ARHGAP25: variants seen among roughly 807,000 people sequenced by gnomAD.
ARHGAP25 encodes rho GTPase-activating protein 25.
In ARHGAP25, 34 loss-of-function variants were observed where a neutral mutation model predicts 71.0. That is an observed-to-expected ratio of 0.48 (90% confidence interval 0.36 to 0.64). The LOEUF (loss-of-function observed/expected upper bound fraction) is 0.64. Ranked by LOEUF, ARHGAP25 falls within the 30% of genes least tolerant of loss-of-function variation. The probability of loss-of-function intolerance (pLI) is 0.00; values close to 1 mark genes in which losing one functional copy is unlikely to be tolerated. For synonymous variants in ARHGAP25, 282 were observed against 296.5 expected, an observed-to-expected ratio of 0.95 and a Z score of 0.50; for missense variants, 706 against 805.1, an observed-to-expected ratio of 0.88 and a Z score of 1.49.
Position 68,787,942 on chromosome 2 carries a change from G to T in ARHGAP25, c.452G>T (p.Gly151Val). ...GTTAAATTCCTCAGGAGAGTTGCTGGCACACCCTGTGGAGGTAAGGACCCC... is the reference window on the plus strand; with the variant it reads ...GTTAAATTCCTCAGGAGAGTTGCTGTCACACCCTGTGGAGGTAAGGACCCC... ...EWVKFLRRVA[G>V]TPCGAVFGQR... Residue 151 changes from glycine to valine, a missense_variant, in exon 4 of 11, where the codon GGC becomes GTC. By Grantham distance (109) the Gly-to-Val change is moderately radical (BLOSUM62 -3). Transcript: ENST00000409202. 1 of 1,614,144 alleles carries T rather than the reference G, an allele frequency of 6.2e-7. No individual in the cohort carries two copies. The highest frequency in any genetic ancestry group is 8.5e-7 in the Non-Finnish European group (1 of 1,179,968).
At chr2:68,790,167 T>G (rs1279858576) in intron 4 of ARHGAP25, among the ~76,000 whole-genome samples, 1 of 152,044 alleles carries the variant, frequency 6.6e-6, no homozygotes, top group African/African-American at 2.4e-5. Context: ...TTTTGTATAT[T>G]TAGTAAAGAC....
At chr2:68,719,776 C>T (rs905924233) in intron 2 of ARHGAP25, among the ~76,000 whole-genome samples, 1 of 152,148 alleles carries the variant, frequency 6.6e-6, no homozygotes. Flanking sequence ...TATTATCACC[C>T]TATCCATGTA....
chr2:68,781,120 G>T (rs1678303771), intron 2 of ARHGAP25, among the ~76,000 whole-genome samples: 1 of 152,134 alleles, frequency 6.6e-6, no homozygotes, highest in Non-Finnish European at 1.5e-5. Context: ...AGGCACGGTG[G>T]CTCATGCCTG....
intron 6 of ARHGAP25, 60 bp from the exon 7 acceptor site, chr2:68,816,229 C>CT: frequency 7.0e-7 from 1 of 1,423,798 alleles, no homozygotes. Context: ...GGTCTCCTTG[C>CT]TGGCACATGG....
intron 3 of ARHGAP25, among the ~76,000 whole-genome samples, chr2:68,786,112 A>G (rs1038902792): frequency 2.0e-5 from 3 of 152,186 alleles, no homozygotes; most frequent in African/African-American, 7.2e-5. Context: ...TCATCAGGTC[A>G]TCAGCTCTCC....
intron 1 of ARHGAP25, among the ~76,000 whole-genome samples, chr2:68,742,308 A>C (rs78494039): frequency 3.3e-5 from 5 of 152,156 alleles, no homozygotes; most frequent in Non-Finnish European, 5.9e-5. Flanking sequence ...ACTTTTTAAT[A>C]TTTTAAAATA....
intron 4 of ARHGAP25, among the ~76,000 whole-genome samples, chr2:68,794,235 C>G (rs1328231059): frequency 6.6e-6 from 1 of 152,102 alleles, no homozygotes; most frequent in Non-Finnish European, 1.5e-5. Context: ...TTGACCTCCT[C>G]TTTTCCAATT....
chr2:68,824,141 T>C (rs905808435), intron 10 of ARHGAP25, among the ~76,000 whole-genome samples: 1 of 152,200 alleles, frequency 6.6e-6, no homozygotes, highest in Non-Finnish European at 1.5e-5. Flanking sequence ...AAACCAATCA[T>C]TTGTAGAATT....
At chr2:68,817,693 C>T (rs1170646810) in intron 7 of ARHGAP25, among the ~76,000 whole-genome samples, 180 bp from the exon 8 acceptor site, 3 of 152,182 alleles carry the variant, frequency 2.0e-5, no homozygotes, top group Non-Finnish European at 4.4e-5. Context: ...ATTTCTCTTC[C>T]TTCCTTGGTC....
At chr2:68,711,712 C>T (rs930177109) in intron 2 of ARHGAP25, among the ~76,000 whole-genome samples, 6 of 150,256 alleles carry the variant, frequency 4.0e-5, no homozygotes, top group Non-Finnish European at 5.9e-5. Context: ...TGTTCCCCTC[C>T]CTGTGTCCAT....
chr2:68,767,711 T>C lies in ARHGAP25; in HGVS notation c.62-7510T>C, dbSNP rs1312943788. Among the ~76,000 whole-genome samples the C allele has an allele frequency of 6.6e-6, 1 of 152,150 alleles. No homozygotes were observed. Among genetic ancestry groups the C allele is most frequent in the African/African-American group, 2.4e-5 (1 of 41,428 alleles). ...AGACGTGGCAGGATTACCTAATATG[T>C]CCGTTTTCTTGTTGGGGTATCAGCA... is the stretch of plus-strand genomic sequence containing the variant. On this transcript the variant is annotated intron_variant, in intron 1 of 10. Coordinates refer to ENST00000409202, the MANE Select transcript of ARHGAP25 (RefSeq NM_001007231.3). The surrounding 1 kb of genome is among the most constrained non-coding windows in gnomAD (Gnocchi z 4.6).
intron 8 of ARHGAP25, 78 bp from the exon 9 acceptor site, chr2:68,819,045 A>C: frequency 7.6e-7 from 1 of 1,315,316 alleles, no homozygotes; most frequent in Non-Finnish European, 1.0e-6. Flanking sequence ...GTTTGGAGAC[A>C]TCCACGGGTG....
chr2:68,823,452 C>T (rs1203087302), intron 10 of ARHGAP25, among the ~76,000 whole-genome samples: 3 of 152,136 alleles, frequency 2.0e-5, no homozygotes, highest in African/African-American at 7.2e-5. Context: ...CAGGGAAGGC[C>T]TCCGTGAGAA....
chr2:68,744,735 G>A (rs1675717690), intron 1 of ARHGAP25, among the ~76,000 whole-genome samples: 2 of 152,186 alleles, frequency 1.3e-5, no homozygotes, highest in South Asian at 4.1e-4. Context: ...ATGCCACATT[G>A]TTATTCTGAT....
intron 4 of ARHGAP25, among the ~76,000 whole-genome samples, chr2:68,803,988 G>A (rs914372896): frequency 2.6e-5 from 4 of 152,096 alleles, no homozygotes; most frequent in Admixed American, 2.6e-4. Context: ...GTGGCCTGAT[G>A]AAGACACGCA....
chr2:68,723,666 AGCCT>A (rs1223838159), intron 2 of ARHGAP25, among the ~76,000 whole-genome samples: 1 of 152,188 alleles, frequency 6.6e-6, no homozygotes, highest in African/African-American at 2.4e-5. Context: ...CCCTAGTCCC[AGCCT>A]GTGGAAGTGA....
chr2:68,737,369 T>C (rs552227177), intron 1 of ARHGAP25, among the ~76,000 whole-genome samples: 1 of 152,220 alleles, frequency 6.6e-6, no homozygotes, highest in Admixed American at 6.5e-5. Context: ...GCTGACAATC[T>C]GTGGTTTTAA....
chr2:68,819,715 C>T, intron 9 of ARHGAP25: 1 of 519,104 alleles, frequency 1.9e-6, no homozygotes, highest in Middle Eastern at 5.0e-4. Flanking sequence ...CCTGCTAACC[C>T]ATGAAACGTG....
chr2:68,789,818 T>G (rs1311567112), intron 4 of ARHGAP25, among the ~76,000 whole-genome samples: 1 of 152,166 alleles, frequency 6.6e-6, no homozygotes, highest in Non-Finnish European at 1.5e-5. Flanking sequence ...TACTCTGTCA[T>G]GATACACATG....
Sources: gnomAD v4.1 joint callset for allele counts (sites outside exome capture counted in the v4.1 genomes callset) on GRCh38, gnomAD v4.1.1 for gene constraint, Gnocchi (gnomAD v3.1) non-coding constraint, MANE v1.5 for transcripts, NCBI Gene and HGNC (gene_info 2026-07-23, HGNC 2026-07-21) for gene names.